Variants in EML4 observed in about 807,000 individuals in gnomAD.
The protein encoded by EML4 is EMAP like 4.
Under a neutral mutation model 129.0 loss-of-function variants are expected in EML4, and 72 were observed. That is an observed-to-expected ratio of 0.56 (90% CI 0.46 to 0.68). EML4 has a LOEUF of 0.68. Ranked by LOEUF, EML4 falls within the 30% of genes least tolerant of loss-of-function variation. EML4 has a pLI of 0.00. For synonymous variants in EML4, 532 were observed against 405.0 expected, an observed-to-expected ratio of 1.31 and a Z score of -3.77; for missense variants, 1,363 against 1,190.6, an observed-to-expected ratio of 1.14 and a Z score of -2.13.
intron 11 of EML4, among the ~76,000 whole-genome samples, chr2:42,291,832 A>C (rs997720202): frequency 1.3e-5 from 2 of 152,216 alleles, no homozygotes; most frequent in African/African-American, 2.4e-5. Flanking sequence ...ACAGCAAAAG[A>C]CTTCCGGCAC....
chr2:42,200,942 CT>C (rs1192095620), intron 1 of EML4, among the ~76,000 whole-genome samples: 1 of 152,164 alleles, frequency 6.6e-6, no homozygotes, highest in Non-Finnish European at 1.5e-5. Flanking sequence ...TCTCCATGGG[CT>C]GCCTGCTGTA....
At chr2:42,182,762 A>G (rs1434468360) in intron 1 of EML4, among the ~76,000 whole-genome samples, 2 of 152,188 alleles carry the variant, frequency 1.3e-5, no homozygotes, top group East Asian at 1.9e-4. Flanking sequence ...CAACATAAAC[A>G]TATTTTCTCA....
At position 42,329,941 on chromosome 2, in the gene EML4, C is replaced by A; in HGVS notation, c.2680C>A (p.Gln894Lys). 1 of 1,613,958 alleles carries A rather than the reference C, an allele frequency of 6.2e-7. No homozygotes were observed. Residue 894 changes from glutamine to lysine, a missense_variant, in exon 23 of 23, where the codon CAA becomes AAA. Physicochemically the swap from Gln to Lys is moderately conservative, Grantham distance 53 (BLOSUM62 1). Transcript: ENST00000318522. Reference protein sequence around the residue: ...APVSSTESVIQSNTPTPPPSQ... With the variant: ...APVSSTESVIKSNTPTPPPSQ... ...CGTCTCTTCCACTGAAAGTGTCATC[C>A]AATCTAATACTCCCACACCGCCTCC...
At chr2:42,289,913 C>CAAAAAAAAAA (rs869189390) in intron 11 of EML4, 87 of 55,700 alleles carry the variant, frequency 1.6e-3, no homozygotes, top group South Asian at 2.8e-3. Flanking sequence ...ACTAAAAATA[C>CAAAAAAAAAA]AAAAAAAAAA....
At position 42,301,355 on chromosome 2, in the gene EML4, T is replaced by C; in HGVS notation, c.1604T>C (p.Leu535Pro). The change falls in exon 14 of 23, where the codon CTG becomes CCG. Residue 535 changes from leucine to proline, a missense_variant. Physicochemically the swap from Leu to Pro is moderately conservative, Grantham distance 98 (BLOSUM62 -3). Transcript: ENST00000318522. ...TGGGKDRKIILWDHDLNPERE... is the reference protein window; with the variant it reads ...TGGGKDRKIIPWDHDLNPERE... The stretch of plus-strand genomic sequence containing the variant: ...GGAGGGAAAGACAGAAAAATAATTC[T>C]GTGGGATCATGATCTGAATCCTGAA... 6.2e-7 allele frequency: 1 copy of C among 1,613,192 alleles called. No homozygotes were observed. The highest frequency in any genetic ancestry group is 8.5e-7 in the Non-Finnish European group (1 of 1,179,562).
intron 1 of EML4, among the ~76,000 whole-genome samples, chr2:42,194,846 T>C (rs925356310): frequency 3.9e-5 from 6 of 152,150 alleles, no homozygotes; most frequent in African/African-American, 1.4e-4. Context: ...TATCATTTGT[T>C]CCTTAGGGCT....
chr2:42,274,898 C>T (rs1666574658), intron 6 of EML4, among the ~76,000 whole-genome samples: 1 of 152,124 alleles, frequency 6.6e-6, no homozygotes, highest in Non-Finnish European at 1.5e-5. Flanking sequence ...AATTTTTTGC[C>T]TAACAATCAC....
chr2:42,263,552 GTGCCACCA>G (rs1665868707), intron 5 of EML4, among the ~76,000 whole-genome samples: 1 of 150,994 alleles, frequency 6.6e-6, no homozygotes, highest in Non-Finnish European at 1.5e-5. Flanking sequence ...CTATAGGCAC[GTGCCACCA>G]TGCCCAGCTA....
intron 1 of EML4, among the ~76,000 whole-genome samples, chr2:42,208,811 A>G (rs748397474): frequency 1.3e-4 from 20 of 148,852 alleles, no homozygotes; most frequent in East Asian, 2.0e-4. Flanking sequence ...TTTTTTTCAG[A>G]CACAGAAAGC....
intron 3 of EML4, among the ~76,000 whole-genome samples, chr2:42,258,124 A>G (rs1049331258): frequency 1.3e-5 from 2 of 152,140 alleles, no homozygotes; most frequent in Non-Finnish European, 2.9e-5. Context: ...CAACAATCCA[A>G]GGCCAGCTGA....
At chr2:42,232,787 G>A (rs921750688) in intron 1 of EML4, among the ~76,000 whole-genome samples, 1 of 151,962 alleles carries the variant, frequency 6.6e-6, no homozygotes, top group African/African-American at 2.4e-5. Flanking sequence ...GCAGTGGCAC[G>A]GATTTCGGCT....
At chr2:42,292,865 C>G (rs1572703183) in intron 11 of EML4, among the ~76,000 whole-genome samples, 1 of 152,160 alleles carries the variant, frequency 6.6e-6, no homozygotes, top group South Asian at 2.1e-4. Context: ...TCTTGACTGT[C>G]TTATCACTAG....
At chr2:42,326,351 C>G (rs1669811715) in intron 21 of EML4, 99 bp downstream of exon 21, 1 of 777,892 alleles carries the variant, frequency 1.3e-6, no homozygotes, top group African/African-American at 1.8e-5. Flanking sequence ...TCTGTGTATT[C>G]TTTAGCTTTA....
At chr2:42,246,359 T>G (rs1193848426) in intron 2 of EML4, among the ~76,000 whole-genome samples, 1 of 152,146 alleles carries the variant, frequency 6.6e-6, no homozygotes, top group Non-Finnish European at 1.5e-5. Context: ...TCTTACTGAT[T>G]TATTGGTAGA....
chr2:42,278,062 T>A (rs1005478148), intron 6 of EML4, among the ~76,000 whole-genome samples: 8 of 152,238 alleles, frequency 5.3e-5, no homozygotes, highest in African/African-American at 1.9e-4. Context: ...TTCAGTCTGG[T>A]TCTAATGCTA....
At chr2:42,240,508 A>G (rs906321128) in intron 1 of EML4, among the ~76,000 whole-genome samples, 4 of 152,040 alleles carry the variant, frequency 2.6e-5, no homozygotes, top group Non-Finnish European at 5.9e-5. Flanking sequence ...TATTCAGTAC[A>G]TATTGTTTTG....
intron 2 of EML4, among the ~76,000 whole-genome samples, chr2:42,249,621 G>A (rs886167076): frequency 6.6e-6 from 1 of 152,190 alleles, no homozygotes; most frequent in African/African-American, 2.4e-5. Context: ...ATTCTGCTAC[G>A]TTGCTTCATA....
intron 16 of EML4, 26 bp from the exon 17 acceptor site, chr2:42,304,458 C>T (rs1393730543): frequency 6.2e-7 from 1 of 1,605,270 alleles, no homozygotes; most frequent in African/African-American, 1.3e-5. Flanking sequence ...CATGTACTCC[C>T]CAACAGCTGT....
chr2:42,213,737 G>A (rs892972577), intron 1 of EML4, among the ~76,000 whole-genome samples: 2 of 152,044 alleles, frequency 1.3e-5, no homozygotes, highest in African/African-American at 4.8e-5. Context: ...AAAAATAATG[G>A]CAATAATTTA....
Sources: allele counts gnomAD v4.1 joint callset (sites outside exome capture counted in the v4.1 genomes callset), GRCh38; gene constraint gnomAD v4.1.1; transcripts MANE v1.5; gene names NCBI Gene and HGNC (gene_info 2026-07-23, HGNC 2026-07-21).